Variants in CACNA2D4 observed in about 807,000 individuals in gnomAD.
The protein encoded by CACNA2D4 is voltage-dependent calcium channel subunit alpha-2/delta-4.
A neutral mutation model predicts 163.8 loss-of-function variants in CACNA2D4; 157 were observed. The ratio of observed to expected loss-of-function variants is 0.96; its 90% CI spans 0.84 to 1.09. The LOEUF (loss-of-function observed/expected upper bound fraction) is 1.09, where lower values mean the gene tolerates loss of function less well. CACNA2D4 is among the 50% of genes least tolerant of loss of function. The pLI is 0.00. For synonymous variants in CACNA2D4, 598 were observed against 586.9 expected (o/e 1.02, Z -0.27); for missense variants, 1,410 against 1,479.9 (o/e 0.95, Z 0.78).
intron 26 of CACNA2D4, among the ~76,000 whole-genome samples, chr12:1,830,615 C>CCT (rs1864578584): frequency 6.6e-6 from 1 of 152,208 alleles, no homozygotes; most frequent in African/African-American, 2.4e-5. Context: ...CTGTGAGCTT[C>CCT]CTATCACTGC....
In CACNA2D4 at chr12:1,793,530, G is replaced by T; in HGVS notation, c.*125C>A. ...CCGGAGCCAGGGGCCACCAGCCCAG[G>T]ATTGAGAGGAGCGTTGGCCTGGGGG... On this transcript the variant is annotated 3_prime_UTR_variant, in exon 38 of 38. Coordinates refer to ENST00000382722, the MANE Select transcript of CACNA2D4 (RefSeq NM_172364.5). 1.3e-6 allele frequency: 1 copy of T among 795,728 alleles called. No homozygotes were observed. Among genetic ancestry groups the T allele is most frequent in the Non-Finnish European group, 2.2e-6 (1 of 459,258 alleles). 49.3% of individuals were successfully genotyped at this position (795,728 alleles called of 1,614,324 possible).
At chr12:1,910,156 G>A (rs8181786) in intron 3 of CACNA2D4, among the ~76,000 whole-genome samples, 191 bp from the exon 4 acceptor site, 139,504 of 152,338 alleles carry the variant, frequency 0.92, 64,055 homozygotes, top group East Asian at 1. Context: ...ACAGACAAAA[G>A]GCACACACAT....
rs1452055187 is a variant in CACNA2D4 at position 1,801,097 on chromosome 12, C to T, written c.2814G>A (p.Gln938=). 2 of 1,613,910 alleles carry T rather than the reference C, an allele frequency of 1.2e-6. No homozygotes were observed. ...VFSQVTMYDY[Q]AMCKPSSHHH... Reference sequence around the variant, plus strand: ...GGTGACTCGAGGGTTTGCACATGGCCTGATAGTCATACATAGTCACTCTGA... The same window carrying T: ...GGTGACTCGAGGGTTTGCACATGGCTTGATAGTCATACATAGTCACTCTGA... The change falls in exon 31 of 38, where the codon CAG becomes CAA. Residue 938 remains glutamine, a synonymous_variant. Coordinates refer to ENST00000382722, the MANE Select transcript of CACNA2D4 (RefSeq NM_172364.5).
At position 1,800,392 on chromosome 12, in the gene CACNA2D4, A is replaced by G. The variant is rs1863272927; in HGVS notation, c.2915T>C (p.Leu972Pro). 1.2e-6 allele frequency: 2 copies of G among 1,613,762 alleles called. No homozygotes were observed. The change falls in exon 32 of 38, where the codon CTG (leucine) becomes CCG (proline). Residue 972 changes from leucine (L) to proline (P), a missense_variant. Coordinates refer to ENST00000382722, the MANE Select transcript of CACNA2D4 (RefSeq NM_172364.5). ...CGTGTCTACCCCCACTCACAGCACC[A>G]GCTCCTGCAGCAGCCACCTGGTCGC... ...LTATRWLLQELVLFLLEWSVW... is the reference protein window; with the variant it reads ...LTATRWLLQEPVLFLLEWSVW...
At chr12:1,863,934 T>A (rs1482798145) in intron 18 of CACNA2D4, among the ~76,000 whole-genome samples, 1 of 152,134 alleles carries the variant, frequency 6.6e-6, no homozygotes, top group Non-Finnish European at 1.5e-5. Context: ...TTTCATATTT[T>A]AAAAAGTGCC....
Position 1,917,490 on chromosome 12 carries a change from G to A in CACNA2D4, c.227+757C>T, listed in dbSNP as rs1337709029. ...CAAGCGGCTGGAGTAAACAGGATGG[G>A]GTCTGTAGCACCTACAGTCTAGAAG... is the stretch of plus-strand genomic sequence containing the variant. On this transcript the variant is annotated intron_variant, in intron 1 of 37. Coordinates refer to ENST00000382722, the MANE Select transcript of CACNA2D4 (RefSeq NM_172364.5). This position sits in a 1 kb window ranked among gnomAD's most constrained non-coding sequence, Gnocchi z 4.3. 6.6e-6 allele frequency among the ~76,000 whole-genome samples: 1 copy of A among 152,090 alleles called. No individual in the cohort carries two copies. Among genetic ancestry groups the A allele is most frequent in the Non-Finnish European group, 1.5e-5 (1 of 68,020 alleles).
At position 1,848,470 on chromosome 12, in the gene CACNA2D4, C is replaced by A. The variant is rs193293566; in HGVS notation, c.2247-1781G>T. 3.6e-3 allele frequency among the ~76,000 whole-genome samples: 548 copies of A among 152,334 alleles called. 2 individuals are homozygous for A. Among genetic ancestry groups the A allele is most frequent in the African/African-American group, 0.013 (534 of 41,582 alleles). On this transcript the variant is annotated intron_variant, in intron 23 of 37. Transcript: ENST00000382722. ...AAGGCTGTTCTTCACAAGAGGCACA[C>A]ACTCTGACTGATTAGGGCATGAAAA...
chr12:1,795,577 A>G, intron 36 of CACNA2D4, 91 bp downstream of exon 36: 1 of 997,228 alleles, frequency 1.0e-6, no homozygotes, highest in East Asian at 2.4e-5. Flanking sequence ...GCGGTGAAGG[A>G]GGCTGGCCCC....
chr12:1,796,979 T>C (rs1167703600), intron 35 of CACNA2D4, among the ~76,000 whole-genome samples: 1 of 152,166 alleles, frequency 6.6e-6, no homozygotes, highest in African/African-American at 2.4e-5. Context: ...CGGCCTTCTC[T>C]TCTCACACTC....
intron 23 of CACNA2D4, among the ~76,000 whole-genome samples, chr12:1,847,346 T>A (rs1865168552): frequency 6.6e-6 from 1 of 152,200 alleles, no homozygotes; most frequent in Admixed American, 6.5e-5. Flanking sequence ...GGCTATTACC[T>A]AGTTCCTCTC....
chr12:1,808,327 C>G (rs536027137), intron 29 of CACNA2D4, among the ~76,000 whole-genome samples: 2 of 152,314 alleles, frequency 1.3e-5, no homozygotes, highest in South Asian at 4.1e-4. Context: ...AGCCCTTGAT[C>G]TAAGACTGGC....
chr12:1,830,250 A>G (rs1471951586), intron 26 of CACNA2D4, among the ~76,000 whole-genome samples: 1 of 152,222 alleles, frequency 6.6e-6, no homozygotes, highest in Admixed American at 6.5e-5. Flanking sequence ...TCACTCCCAC[A>G]GTGGGACCCT....
At chr12:1,831,162 C>G in intron 26 of CACNA2D4, 1 of 1,614,034 alleles carries the variant, frequency 6.2e-7, no homozygotes, top group Non-Finnish European at 8.5e-7. Context: ...GCGGTTGGAC[C>G]TGTCCAACAA....
rs1863253273 is a variant in CACNA2D4 at position 1,799,924 on chromosome 12, CAG to C, written c.2974+74_2974+75del. 1 of 1,485,792 alleles carries C rather than the reference CAG, an allele frequency of 6.7e-7. No homozygotes were observed. The highest frequency in any genetic ancestry group is 1.9e-5 in the Admixed American group (1 of 51,372). 92.0% of individuals were successfully genotyped at this position (1,485,792 alleles called of 1,614,324 possible). A position where few individuals can be genotyped will look rare whatever the true frequency, so the allele number is the denominator to read the frequency against. Reference sequence around the variant, plus strand: ...CCTATCCCCACTGTCACCCACCCCACAGGGAATGGTCTCACGTTAGTGGACCA... The same window carrying C: ...CCTATCCCCACTGTCACCCACCCCACGGAATGGTCTCACGTTAGTGGACCA... On this transcript the variant is annotated intron_variant, in intron 33 of 37. Coordinates refer to ENST00000382722, the MANE Select transcript of CACNA2D4 (RefSeq NM_172364.5). This position sits in a 1 kb window ranked among gnomAD's most constrained non-coding sequence, Gnocchi z 4.7.
chr12:1,811,996 C>T (rs1409279357), intron 26 of CACNA2D4, among the ~76,000 whole-genome samples: 3 of 152,118 alleles, frequency 2.0e-5, no homozygotes, highest in Non-Finnish European at 4.4e-5. Flanking sequence ...CAGAAAACAA[C>T]GAGGGCAGAT....
Position 1,797,440 on chromosome 12 carries a change from C to A in CACNA2D4, c.3091G>T (p.Val1031Leu), listed in dbSNP as rs1421553425. 6.4e-7 allele frequency: 1 copy of A among 1,563,428 alleles called. No individual in the cohort carries two copies. The highest frequency in any genetic ancestry group is 1.3e-5 in the African/African-American group (1 of 74,122). The change falls in exon 35 of 38, where the codon GTG becomes TTG. Residue 1031 changes from valine to leucine, a missense_variant. Coordinates refer to ENST00000382722, the MANE Select transcript of CACNA2D4 (RefSeq NM_172364.5). ...QPAIREANGI[V>L]ECGPCQKVFV... ...TACTTCTGGCAGGGCCCGCACTCCA[C>A]GATCCCGTTGGCCTCCCGGATGGCC...
Position 1,878,235 on chromosome 12 carries a change from T to G in CACNA2D4, c.1719+80A>C. ...TTCCTAAATGGAGCCCAATGTGTGTTTGTTGTTTTAATCGTTTTTGTGAAT... is the reference window on the plus strand; with the variant it reads ...TTCCTAAATGGAGCCCAATGTGTGTGTGTTGTTTTAATCGTTTTTGTGAAT... On this transcript the variant is annotated intron_variant, in intron 16 of 37. Coordinates refer to ENST00000382722, the MANE Select transcript of CACNA2D4 (RefSeq NM_172364.5). This position sits in a 1 kb window ranked among gnomAD's most constrained non-coding sequence, Gnocchi z 4.6. The G allele has an allele frequency of 6.7e-7, 1 of 1,483,826 alleles. No homozygotes were observed. Among genetic ancestry groups the G allele is most frequent in the Non-Finnish European group, 9.2e-7 (1 of 1,084,652 alleles). The allele number at this position is 1,483,826 out of a possible 1,614,324, so 91.9% of individuals were successfully genotyped here. A position where few individuals can be genotyped will look rare whatever the true frequency, so the allele number is the denominator to read the frequency against.
Position 1,918,624 on chromosome 12 carries a change from C to A in CACNA2D4, c.-151G>T, listed in dbSNP as rs749175092. On this transcript the variant is annotated 5_prime_UTR_variant, in exon 1 of 38. The change creates a new upstream start codon in the 5' untranslated region. Coordinates refer to ENST00000382722, the MANE Select transcript of CACNA2D4 (RefSeq NM_172364.5). ...GCAGCTCACAGAAGAGTCGCCCCACCTAGCAAGCAGGCCTCGGAGACAGGG... is the reference window on the plus strand; with the variant it reads ...GCAGCTCACAGAAGAGTCGCCCCACATAGCAAGCAGGCCTCGGAGACAGGG... 3.6e-5 allele frequency: 22 copies of A among 605,740 alleles called. No homozygotes were observed. Among genetic ancestry groups the A allele is most frequent in the Non-Finnish European group, 6.0e-5 (21 of 347,794 alleles). 37.5% of individuals were successfully genotyped at this position (605,740 alleles called of 1,614,324 possible). A position where few individuals can be genotyped will look rare whatever the true frequency, so the allele number is the denominator to read the frequency against.
Position 1,882,956 on chromosome 12 carries a change from C to T in CACNA2D4, c.1396G>A (p.Val466Met), listed in dbSNP as rs1565727477. 5 of 1,613,418 alleles carry T rather than the reference C, an allele frequency of 3.1e-6. No homozygotes were observed. The highest frequency in any genetic ancestry group is 1.3e-5 in the African/African-American group (1 of 75,026). ...ISTLADTQEN[V>M]MEYLHVLSRP... is the part of the protein sequence containing the mutation. ...CTGAGCACGTGCAGGTATTCCATCA[C>T]GTTCTCCTGGGTGTCCGCCAGCGTT... is the stretch of plus-strand genomic sequence containing the variant. Residue 466 changes from valine to methionine, a missense_variant, in exon 13 of 38, where the codon GTG becomes ATG. Transcript: ENST00000382722.
Sources: allele counts gnomAD v4.1 joint callset (sites outside exome capture counted in the v4.1 genomes callset), GRCh38; gene constraint gnomAD v4.1.1; non-coding constraint Gnocchi (gnomAD v3.1); transcripts MANE v1.5; gene names NCBI Gene and HGNC (gene_info 2026-07-23, HGNC 2026-07-21).